Variants in VPS13A observed in about 807,000 individuals in gnomAD.
VPS13A encodes intermembrane lipid transfer protein VPS13A.
Under a neutral mutation model 390.9 loss-of-function variants are expected in VPS13A, and 264 were observed. The ratio of observed to expected loss-of-function variants is 0.68; its 90% CI spans 0.61 to 0.75. VPS13A has a LOEUF of 0.75. Among genes scored for constraint, VPS13A ranks in the 30% least tolerant of loss-of-function variants. VPS13A has a pLI of 0.00. For synonymous variants in VPS13A, 1,231 were observed against 1,227.1 expected (o/e 1.00, Z -0.07); for missense variants, 3,409 against 3,733.9 (o/e 0.91, Z 2.27).
chr9:77,239,915 T>C (rs1359451999), intron 19 of VPS13A, among the ~76,000 whole-genome samples: 1 of 151,974 alleles, frequency 6.6e-6, no homozygotes, highest in Non-Finnish European at 1.5e-5. Flanking sequence ...AAAATATAAA[T>C]TTAATGAAAA....
chr9:77,238,701 A>G (rs1824292307), intron 19 of VPS13A, among the ~76,000 whole-genome samples: 2 of 152,152 alleles, frequency 1.3e-5, no homozygotes, highest in Admixed American at 6.5e-5. Context: ...CCAGATTTTG[A>G]TATATCAGCC....
Position 77,293,417 on chromosome 9 carries a change from A to G in VPS13A, c.3416A>G (p.Tyr1139Cys). The G allele has an allele frequency of 2.5e-6, 4 of 1,612,808 alleles. No individual in the cohort carries two copies. The highest frequency in any genetic ancestry group is 3.4e-6 in the Non-Finnish European group (4 of 1,179,438). The change falls in exon 32 of 72, where the codon TAC (tyrosine) becomes TGC (cysteine). Residue 1139 changes from tyrosine to cysteine, a missense_variant. Transcript: ENST00000360280. ...ATGGATGCAACTGCTGGTTCTGCAT[A>G]CACAGATATGAATGTGGTTGACATT... ...SYMDATAGSA[Y>C]TDMNVVDIQV...
intron 59 of VPS13A, among the ~76,000 whole-genome samples, chr9:77,362,025 T>C (rs1053213644): frequency 6.6e-6 from 1 of 152,150 alleles, no homozygotes; most frequent in Admixed American, 6.5e-5. Flanking sequence ...TATTTGTCTT[T>C]TTTCTTATAA....
intron 17 of VPS13A, 24 bp downstream of exon 17, chr9:77,228,288 T>TA (rs1823636726): frequency 1.3e-6 from 2 of 1,556,810 alleles, no homozygotes; most frequent in Admixed American, 3.6e-5. Flanking sequence ...TATCTTTTTT[T>TA]ATCATATATG....
intron 68 of VPS13A, among the ~76,000 whole-genome samples, chr9:77,387,680 T>C (rs1316646876): frequency 6.6e-6 from 1 of 152,178 alleles, no homozygotes; most frequent in African/African-American, 2.4e-5. Context: ...AGAATAATAT[T>C]GCCAATTTTC....
At chr9:77,189,922 G>A (rs753897563) in intron 1 of VPS13A, among the ~76,000 whole-genome samples, 4 of 152,032 alleles carry the variant, frequency 2.6e-5, no homozygotes, top group African/African-American at 4.8e-5. Context: ...TTGGTATATA[G>A]AAATACTACT....
rs1158410364 is a variant in VPS13A, at chr9:77,273,359, A to G, written c.2507A>G (p.Glu836Gly). Residue 836 changes from glutamate to glycine, a missense_variant, in exon 24 of 72, where the codon GAA (glutamate) becomes GGA (glycine). Transcript: ENST00000360280. The part of the protein sequence containing the change: ...IPLLELPSVS[E>G]DDSEEEFFDA... Reference sequence around the variant, plus strand: ...CTCTTGGAACTTCCATCTGTTTCTGAAGATGGTAAAATGAAACTGCTTAAG... The same window carrying G: ...CTCTTGGAACTTCCATCTGTTTCTGGAGATGGTAAAATGAAACTGCTTAAG... 1 of 1,605,760 alleles carries G rather than the reference A, an allele frequency of 6.2e-7. No homozygotes were observed. The highest frequency in any genetic ancestry group is 8.5e-7 in the Non-Finnish European group (1 of 1,174,884).
Position 77,273,278 on chromosome 9 carries a change from A to G in VPS13A, c.2428-2A>G. On this transcript the variant is annotated splice_acceptor_variant, in intron 23 of 71. Transcript: ENST00000360280. LOFTEE classifies it high-confidence loss of function. The stretch of plus-strand genomic sequence containing the variant: ...ATCAACATTGAATTACTTTTCTTTC[A>G]GATTCAAACATCTACTTCTTTGGGA... 2 of 1,607,342 alleles carry G rather than the reference A, an allele frequency of 1.2e-6. No homozygotes were observed. The highest frequency in any genetic ancestry group is 1.7e-6 in the Non-Finnish European group (2 of 1,175,334).
At chr9:77,325,511 AT>A (rs545887321) in intron 45 of VPS13A, among the ~76,000 whole-genome samples, 14 of 132,070 alleles carry the variant, frequency 1.1e-4, no homozygotes, top group East Asian at 2.3e-4. Context: ...TAAACTTGCT[AT>A]TTTTTTTTTC....
intron 36 of VPS13A, 152 bp downstream of exon 36, chr9:77,314,271 C>A: frequency 1.0e-6 from 1 of 956,816 alleles, no homozygotes; most frequent in Non-Finnish European, 1.5e-6. Flanking sequence ...ATAATTATAA[C>A]TATTTCCCTT....
At chr9:77,373,776 A>C (rs564125889) in intron 67 of VPS13A, among the ~76,000 whole-genome samples, 54 of 151,754 alleles carry the variant, frequency 3.6e-4, no homozygotes, top group African/African-American at 1.2e-3. Flanking sequence ...CAATGAACTC[A>C]AACAAATTTA....
At chr9:77,354,577 A>C (rs1004293816) in intron 54 of VPS13A, among the ~76,000 whole-genome samples, 1 of 152,194 alleles carries the variant, frequency 6.6e-6, no homozygotes, top group African/African-American at 2.4e-5. Context: ...GAATGCTTTA[A>C]TAAAATTAAA....
At chr9:77,186,592 C>A (rs1417692911) in intron 1 of VPS13A, among the ~76,000 whole-genome samples, 1 of 152,076 alleles carries the variant, frequency 6.6e-6, no homozygotes, top group Non-Finnish European at 1.5e-5. Flanking sequence ...TGCATGCCAC[C>A]ATGCCCAGCT....
At chr9:77,365,599 C>T (rs766115605) in intron 60 of VPS13A, 26 bp downstream of exon 60, 2 of 1,427,826 alleles carry the variant, frequency 1.4e-6, no homozygotes, top group African/African-American at 1.4e-5. Context: ...TTTTATTGTC[C>T]TTGATAATCT....
chr9:77,367,921 T>C, intron 61 of VPS13A, 134 bp from the exon 62 acceptor site: 1 of 806,684 alleles, frequency 1.2e-6, no homozygotes, highest in Non-Finnish European at 2.0e-6. Flanking sequence ...GTAAATTTCC[T>C]GATTGGCATG....
chr9:77,407,253 TCC>T (rs1481898635), intron 70 of VPS13A, among the ~76,000 whole-genome samples: 1 of 152,198 alleles, frequency 6.6e-6, no homozygotes, highest in African/African-American at 2.4e-5. Context: ...CTTACCTCCT[TCC>T]CATCCTTTAT....
At position 77,288,344 on chromosome 9, in the gene VPS13A, C is replaced by T. The variant is rs577841168; in HGVS notation, c.3339+4694C>T. Among the ~76,000 whole-genome samples the T allele has an allele frequency of 2.6e-5, 4 of 152,138 alleles. No individual in the cohort carries two copies. The South Asian group carries it at 6.2e-4, about 24-fold the overall frequency. On this transcript the variant is annotated intron_variant, in intron 31 of 71. Transcript: ENST00000360280. The stretch of plus-strand genomic sequence containing the variant: ...CTGCCTGCTTTGGATTTAATATGCT[C>T]TTCTTAAGGTGGAAGTTTAAATTAT...
chr9:77,291,041 A>C (rs995696670), intron 31 of VPS13A, among the ~76,000 whole-genome samples: 3 of 151,904 alleles, frequency 2.0e-5, no homozygotes, highest in Non-Finnish European at 4.4e-5. Context: ...GGAGTCCCCA[A>C]CCCCCGGGCT....
chr9:77,370,516 A>T lies in VPS13A; in HGVS notation c.8845A>T (p.Met2949Leu). ...CTACCAACAGAAGAGAAGAGAAGCC[A>T]TGAATAAGCAACCAGCTGGTTTTAG... is the stretch of plus-strand genomic sequence containing the variant. ...EDYQQKRREA[M>L]NKQPAGFREG... Residue 2949 changes from methionine (M) to leucine (L), a missense_variant, in exon 65 of 72, where the codon ATG becomes TTG. Met to Leu is a conservative substitution (Grantham distance 15). Transcript: ENST00000360280. The T allele has an allele frequency of 6.2e-7, 1 of 1,614,222 alleles. No homozygotes were observed. Among genetic ancestry groups the T allele is most frequent in the Non-Finnish European group, 8.5e-7 (1 of 1,180,030 alleles).
Sources: allele counts gnomAD v4.1 joint callset (sites outside exome capture counted in the v4.1 genomes callset), GRCh38; gene constraint gnomAD v4.1.1; transcripts MANE v1.5; gene names NCBI Gene and HGNC (gene_info 2026-07-23, HGNC 2026-07-21).